The following TUBGCP3 variants were observed in gnomAD, a reference collection of about 807,000 sequenced individuals.
TUBGCP3 encodes tubulin gamma complex component 3.
A neutral mutation model predicts 123.1 loss-of-function variants in TUBGCP3; 50 were observed. The ratio of observed to expected loss-of-function variants is 0.41; its 90% CI spans 0.32 to 0.51. TUBGCP3 has a LOEUF of 0.51. Among genes scored for constraint, TUBGCP3 ranks in the 20% least tolerant of loss-of-function variants. TUBGCP3 has a pLI of 0.36. For synonymous variants in TUBGCP3, 405 were observed against 413.9 expected (o/e 0.98, Z 0.26); for missense variants, 882 against 1,127.0 (o/e 0.78, Z 3.11).
intron 3 of TUBGCP3, among the ~76,000 whole-genome samples, chr13:112,560,093 C>T (rs1048996490): frequency 1.3e-5 from 2 of 149,722 alleles, no homozygotes; most frequent in African/African-American, 5.0e-5. Context: ...GAGATTACAC[C>T]ACTGCAATCC....
chr13:112,527,630 T>G, intron 11 of TUBGCP3, 146 bp from the exon 12 acceptor site: 5 of 603,032 alleles, frequency 8.3e-6, no homozygotes, highest in Middle Eastern at 3.9e-4. Flanking sequence ...AAAACTTGTA[T>G]GAAACACAGA....
upstream of TUBGCP3, among the ~76,000 whole-genome samples, chr13:112,591,537 T>C (rs555878270): frequency 4.1e-4 from 62 of 152,356 alleles, no homozygotes; most frequent in African/African-American, 1.5e-3. Context: ...CTTGGGCCTG[T>C]GCTAGTAAAT....
chr13:112,535,138 C>T (rs1406041212), intron 11 of TUBGCP3, among the ~76,000 whole-genome samples: 1 of 152,174 alleles, frequency 6.6e-6, no homozygotes, highest in East Asian at 1.9e-4. Context: ...TTTGTTAAGG[C>T]TGAATAATAT....
chr13:112,487,535 T>C (rs2139175444), intron 21 of TUBGCP3, among the ~76,000 whole-genome samples: 1 of 152,358 alleles, frequency 6.6e-6, no homozygotes, highest in South Asian at 2.1e-4. Context: ...AATTACACAT[T>C]GCTCCTTTGT....
intron 8 of TUBGCP3, among the ~76,000 whole-genome samples, chr13:112,550,547 G>A (rs9550143): frequency 0.15 from 22,867 of 152,240 alleles, 1,941 homozygotes; most frequent in Non-Finnish European, 0.2. Flanking sequence ...GTACCGCCAC[G>A]TGTCAGCCCC....
chr13:112,496,985 CAAAAAA>C (rs60584662), intron 20 of TUBGCP3, among the ~76,000 whole-genome samples: 3 of 101,720 alleles, frequency 2.9e-5, no homozygotes, highest in Non-Finnish European at 4.1e-5. Flanking sequence ...GACTCCCTCT[CAAAAAA>C]AAAAAAAAAA....
Position 112,569,257 on chromosome 13 carries a change from C to T in TUBGCP3, c.79G>A (p.Asp27Asn). The change falls in exon 2 of 22, where the codon GAT becomes AAT. Residue 27 changes from aspartate (D) to asparagine (N), a missense_variant and splice_region_variant. Asp to Asn is a conservative substitution (Grantham distance 23, BLOSUM62 1). Coordinates refer to ENST00000261965, the MANE Select transcript of TUBGCP3 (RefSeq NM_006322.6). ...GCATACTGGAACTGCTGGGCTACAT[C>T]AGCTGAAAGACAAACAAAAGGATGC... ...CCRILGRSEADVAQQFQYAVR... is the reference protein window; with the variant it reads ...CCRILGRSEANVAQQFQYAVR... The T allele has an allele frequency of 6.2e-7, 1 of 1,614,070 alleles. No homozygotes were observed. Among genetic ancestry groups the T allele is most frequent in the East Asian group, 2.2e-5 (1 of 44,884 alleles).
At chr13:112,487,301 C>T (rs1024739688) in intron 21 of TUBGCP3, among the ~76,000 whole-genome samples, 1 of 152,138 alleles carries the variant, frequency 6.6e-6, no homozygotes, top group Non-Finnish European at 1.5e-5. Context: ...GCGATAACAG[C>T]CTGCCGTCGC....
In TUBGCP3 at chr13:112,588,102, C is replaced by G. The variant is rs1487551840; in HGVS notation, c.-122G>C. ...TCCCTGCTCCTGACAGGCTAAGGCGCGGGCGCCGCCGGCCACCAGGGCGCC... is the reference window on the plus strand; with the variant it reads ...TCCCTGCTCCTGACAGGCTAAGGCGGGGGCGCCGCCGGCCACCAGGGCGCC... On this transcript the variant is annotated 5_prime_UTR_variant, in exon 1 of 22. Coordinates refer to ENST00000261965, the MANE Select transcript of TUBGCP3 (RefSeq NM_006322.6). The G allele has an allele frequency of 6.0e-6, 5 of 836,028 alleles. No homozygotes were observed. The highest frequency in any genetic ancestry group is 5.4e-5 in the African/African-American group (3 of 55,750). 51.8% of individuals were successfully genotyped at this position (836,028 alleles called of 1,614,324 possible).
intron 21 of TUBGCP3, among the ~76,000 whole-genome samples, chr13:112,487,632 T>C (rs981340651): frequency 3.3e-5 from 5 of 152,152 alleles, no homozygotes; most frequent in Admixed American, 2.0e-4. Flanking sequence ...CAGGAATACA[T>C]ACTGTACAAA....
At position 112,522,331 on chromosome 13, in the gene TUBGCP3, C is replaced by T; in HGVS notation, c.1734G>A (p.Met578Ile). Reference sequence around the variant, plus strand: ...AAATAGTGCCTTACTTTAGCAAGTCCATTAAGTGCCTTATAAAGTCTCCTT... The same window carrying T: ...AAATAGTGCCTTACTTTAGCAAGTCTATTAAGTGCCTTATAAAGTCTCCTT... ...LGQGDFIRHL[M>I]DLLKPELVRP... Residue 578 changes from methionine (M) to isoleucine (I), a missense_variant, in exon 14 of 22, where the codon ATG becomes ATA. Coordinates refer to ENST00000261965, the MANE Select transcript of TUBGCP3 (RefSeq NM_006322.6). 6.3e-7 allele frequency: 1 copy of T among 1,582,932 alleles called. No individual in the cohort carries two copies. The highest frequency in any genetic ancestry group is 8.6e-7 in the Non-Finnish European group (1 of 1,157,480).
At chr13:112,593,116 G>A (rs1002621389), upstream of TUBGCP3, among the ~76,000 whole-genome samples, 1 of 152,186 alleles carries the variant, frequency 6.6e-6, no homozygotes, top group Admixed American at 6.5e-5. Context: ...GTAGAAGGAA[G>A]GGGAGTGAGA....
At chr13:112,509,635 T>C (rs1334630288) in intron 17 of TUBGCP3, among the ~76,000 whole-genome samples, 1 of 152,254 alleles carries the variant, frequency 6.6e-6, no homozygotes, top group African/African-American at 2.4e-5. Context: ...GTATCTTCAA[T>C]GGTCTTCTTT....
At chr13:112,563,886 A>T (rs1456213684) in intron 3 of TUBGCP3, among the ~76,000 whole-genome samples, 1 of 144,028 alleles carries the variant, frequency 6.9e-6, no homozygotes, top group Non-Finnish European at 1.5e-5. Context: ...AAAAAAAAAA[A>T]AAGTGTCTAA....
intron 19 of TUBGCP3, among the ~76,000 whole-genome samples, chr13:112,503,224 C>T (rs1226471839): frequency 3.9e-5 from 6 of 152,176 alleles, no homozygotes; most frequent in Admixed American, 6.5e-5. Context: ...CAATGTGGTT[C>T]CTTCTTGTCC....
Position 112,522,576 on chromosome 13 carries a change from A to G in TUBGCP3, c.1556-67T>C. The G allele has an allele frequency of 2.0e-6, 3 of 1,503,544 alleles. 1 individual carries two copies. The South Asian group carries it at 3.8e-5, about 19-fold the overall frequency. The allele number at this position is 1,503,544 out of a possible 1,614,324, so 93.1% of individuals were successfully genotyped here. The stretch of plus-strand genomic sequence containing the variant: ...TTGTATTTCCACAGAGGAGAAATGA[A>G]GGCACATACATCCAGACTCAGGGCC... On this transcript the variant is annotated intron_variant, in intron 13 of 21. Transcript: ENST00000261965.
Position 112,522,390 on chromosome 13 carries a change from T to A in TUBGCP3, c.1675A>T (p.Met559Leu). Residue 559 changes from methionine to leucine, a missense_variant, in exon 14 of 22, where the codon ATG (methionine) becomes TTG (leucine). Physicochemically the swap from Met to Leu is conservative, Grantham distance 15. Around this residue, in one of 3 missense-constraint regions of TUBGCP3, gnomAD observed 713 missense variants for 874.0 expected, o/e 0.82. Transcript: ENST00000261965. ...LNKKYSLLDH[M>L]QAMRRYLLLG... ...AGCAGGTACCGCCTCATTGCCTGCA[T>A]GTGGTCCAGCAAGCTGTACTTTTTA... is the stretch of plus-strand genomic sequence containing the variant. 1 of 1,614,134 alleles carries A rather than the reference T, an allele frequency of 6.2e-7. No individual in the cohort carries two copies. The highest frequency in any genetic ancestry group is 8.5e-7 in the Non-Finnish European group (1 of 1,179,952).
intron 8 of TUBGCP3, among the ~76,000 whole-genome samples, chr13:112,550,253 TTTAA>T (rs560912703): frequency 8.1e-4 from 123 of 152,288 alleles, no homozygotes; most frequent in African/African-American, 2.6e-3. Flanking sequence ...AAAAATTTTT[TTTAA>T]TTGTTTTTTA....
intron 20 of TUBGCP3, among the ~76,000 whole-genome samples, chr13:112,490,803 G>C (rs746370804): frequency 4.6e-5 from 7 of 152,178 alleles, no homozygotes; most frequent in Non-Finnish European, 7.3e-5. Flanking sequence ...GCACAAAGCT[G>C]ACCATCGGTG....
Sources: gnomAD v4.1 joint callset for allele counts (sites outside exome capture counted in the v4.1 genomes callset) on GRCh38, gnomAD v4.1.1 for gene constraint, gnomAD v4.1.1 regional missense constraint, MANE v1.5 for transcripts, NCBI Gene and HGNC (gene_info 2026-07-23, HGNC 2026-07-21) for gene names.